The following PARD3B variants were observed in gnomAD, a reference collection of about 807,000 sequenced individuals.
PARD3B encodes partitioning defective 3 homolog B.
A neutral mutation model predicts 130.2 loss-of-function variants in PARD3B; 103 were observed. That is an observed-to-expected ratio of 0.79 (90% CI 0.67 to 0.93). The LOEUF is 0.93. PARD3B is among the 40% of genes least tolerant of loss of function. The probability of loss-of-function intolerance (pLI) is 0.00; values close to 1 mark genes in which losing one functional copy is unlikely to be tolerated. For missense variants in PARD3B, 1,609 were observed against 1,499.2 expected (o/e 1.07, Z -1.21); for synonymous variants, 583 against 553.2 (o/e 1.05, Z -0.76).
chr2:204,728,863 A>T (rs2039360801), intron 2 of PARD3B, among the ~76,000 whole-genome samples: 1 of 152,204 alleles, frequency 6.6e-6, no homozygotes, highest in South Asian at 2.1e-4. Flanking sequence ...GAACTTCTGA[A>T]GATGCTCAGA....
At chr2:205,344,735 T>C (rs2043685370) in intron 18 of PARD3B, among the ~76,000 whole-genome samples, 1 of 152,228 alleles carries the variant, frequency 6.6e-6, no homozygotes, top group Non-Finnish European at 1.5e-5. Flanking sequence ...AGAGTTTATG[T>C]ATTTATTTGA....
In PARD3B at chr2:204,759,850, A is replaced by G. The variant is rs965359582; in HGVS notation, c.222+73568A>G. 5.9e-5 allele frequency among the ~76,000 whole-genome samples: 9 copies of G among 152,076 alleles called. No individual in the cohort carries two copies. The East Asian group carries it at 1.7e-3, about 29-fold the overall frequency. On this transcript the variant is annotated intron_variant, in intron 2 of 22. Transcript: ENST00000406610. ...CAAATTTTATTTTTTGCTTTAGTTT[A>G]GGCCTTTACTATCTCTTGTCTGGTC...
intron 20 of PARD3B, among the ~76,000 whole-genome samples, chr2:205,491,790 A>G (rs571612901): frequency 7.2e-5 from 11 of 152,310 alleles, no homozygotes; most frequent in Non-Finnish European, 1.5e-4. Flanking sequence ...CAGGACACAT[A>G]TTGAGAAAGA....
At chr2:204,684,659 G>A (rs1261504498) in intron 1 of PARD3B, among the ~76,000 whole-genome samples, 2 of 152,078 alleles carry the variant, frequency 1.3e-5, no homozygotes, top group African/African-American at 4.8e-5. Context: ...CTTCGGGTTG[G>A]CAAAGACCTC....
intron 1 of PARD3B, among the ~76,000 whole-genome samples, chr2:204,670,014 G>T (rs77395358): frequency 0.028 from 4,306 of 152,234 alleles, 174 homozygotes; most frequent in East Asian, 0.14. Context: ...TGATTCTGAA[G>T]TTGAACGGTT....
At chr2:205,185,671 T>C (rs2036056099) in intron 13 of PARD3B, 93 bp from the exon 14 acceptor site, 1 of 1,024,436 alleles carries the variant, frequency 9.8e-7, no homozygotes, top group African/African-American at 1.6e-5. Flanking sequence ...ATGTGTTGGC[T>C]AAAACTGCGT....
intron 2 of PARD3B, among the ~76,000 whole-genome samples, chr2:204,700,356 T>C (rs957487586): frequency 6.6e-6 from 1 of 152,142 alleles, no homozygotes; most frequent in Non-Finnish European, 1.5e-5. Flanking sequence ...TATAACTTTA[T>C]TGGAAAATTT....
At chr2:205,166,316 A>G (rs1434165) in intron 11 of PARD3B, among the ~76,000 whole-genome samples, 64,382 of 151,992 alleles carry the variant, frequency 0.42, 14,554 homozygotes, top group African/African-American at 0.57. Flanking sequence ...AGGCAATTGC[A>G]AGGCTTGCTT....
Position 205,575,184 on chromosome 2 carries a change from T to C in PARD3B, c.3260+21781T>C, listed in dbSNP as rs2053711673. ...ATATTATACACACACATATATATCA[T>C]ATATATACAATATAGATAGATACAC... On this transcript the variant is annotated intron_variant, in intron 22 of 22. Coordinates refer to ENST00000406610, the MANE Select transcript of PARD3B (RefSeq NM_001302769.2). The surrounding 1 kb of genome is among the most constrained non-coding windows in gnomAD (Gnocchi z 4.6). 6.6e-6 allele frequency among the ~76,000 whole-genome samples: 1 copy of C among 151,958 alleles called. No homozygotes were observed. Among genetic ancestry groups the C allele is most frequent in the Admixed American group, 6.6e-5 (1 of 15,208 alleles).
At chr2:204,757,318 G>C (rs929474110) in intron 2 of PARD3B, among the ~76,000 whole-genome samples, 4 of 152,128 alleles carry the variant, frequency 2.6e-5, no homozygotes, top group Non-Finnish European at 5.9e-5. Flanking sequence ...TCTATTTTTA[G>C]TTCCTTGAGG....
At chr2:205,348,164 G>A (rs934276781) in intron 18 of PARD3B, 2 of 152,218 alleles carry the variant, frequency 1.3e-5, no homozygotes, top group Non-Finnish European at 2.9e-5. Flanking sequence ...GGATCCTAAA[G>A]GCAGTAAGTA....
intron 1 of PARD3B, among the ~76,000 whole-genome samples, chr2:204,612,022 A>T (rs944456445): frequency 4.6e-5 from 7 of 152,226 alleles, no homozygotes; most frequent in African/African-American, 1.7e-4. Context: ...TGCATTTTAG[A>T]CAGTGAGAAT....
At chr2:205,178,625 T>C (rs181497348) in intron 13 of PARD3B, among the ~76,000 whole-genome samples, 1 of 152,312 alleles carries the variant, frequency 6.6e-6, no homozygotes, top group Admixed American at 6.5e-5. Context: ...ATATCTAGAT[T>C]TCATGTAACT....
chr2:205,475,426 C>T (rs566986936), intron 20 of PARD3B, among the ~76,000 whole-genome samples: 73 of 152,282 alleles, frequency 4.8e-4, no homozygotes, highest in African/African-American at 1.7e-3. Flanking sequence ...AGACAGCTAA[C>T]TCGGTCTCTT....
In PARD3B at chr2:204,883,540, C is replaced by T. The variant is rs535863172; in HGVS notation, c.223-81612C>T. 1.7e-4 allele frequency among the ~76,000 whole-genome samples: 25 copies of T among 146,446 alleles called. No individual in the cohort carries two copies. The East Asian group carries it at 3.2e-3, about 19-fold the overall frequency. ...CTCGCTCGCTGCAACCTCTGCCTCC[C>T]GGGTTCAAGCAATTCTCCTGCCTCA... On this transcript the variant is annotated intron_variant, in intron 2 of 22. Coordinates refer to ENST00000406610, the MANE Select transcript of PARD3B (RefSeq NM_001302769.2).
intron 2 of PARD3B, among the ~76,000 whole-genome samples, chr2:204,899,273 C>T (rs1379201263): frequency 1.7e-5 from 2 of 116,876 alleles, no homozygotes; most frequent in East Asian, 5.6e-4. Context: ...TTCCTTCCTT[C>T]CTTCCTGTCT....
chr2:204,814,938 C>T (rs1024117617), intron 2 of PARD3B, among the ~76,000 whole-genome samples: 2 of 151,742 alleles, frequency 1.3e-5, no homozygotes, highest in Non-Finnish European at 3.0e-5. Context: ...TCCACTTAGT[C>T]ACATTATATT....
Position 205,525,039 on chromosome 2 carries a change from T to TCTTAGTGATGAACCATGGCAAGAACC in PARD3B, c.3180+25009_3180+25034dup, listed in dbSNP as rs2051274318. Among the ~76,000 whole-genome samples, 1 of 152,230 alleles carries TCTTAGTGATGAACCATGGCAAGAACC rather than the reference T, an allele frequency of 6.6e-6. No individual in the cohort carries two copies. Among genetic ancestry groups the TCTTAGTGATGAACCATGGCAAGAACC allele is most frequent in the African/African-American group, 2.4e-5 (1 of 41,460 alleles). On this transcript the variant is annotated intron_variant, in intron 21 of 22. Transcript: ENST00000406610. This position sits in a 1 kb window ranked among gnomAD's most constrained non-coding sequence, Gnocchi z 4.2. Reference sequence around the variant, plus strand: ...TTAAACCTCGCCAGAATAAGAGATTTCTTAGTGATGAACCATGGCAAGAAC... The same window carrying TCTTAGTGATGAACCATGGCAAGAACC: ...TTAAACCTCGCCAGAATAAGAGATTTCTTAGTGATGAACCATGGCAAGAACCCTTAGTGATGAACCATGGCAAGAAC...
intron 2 of PARD3B, among the ~76,000 whole-genome samples, chr2:204,742,107 C>G (rs909229833): frequency 6.6e-6 from 1 of 152,124 alleles, no homozygotes; most frequent in African/African-American, 2.4e-5. Context: ...AGTTTTAGAA[C>G]CACTGTCTAA....
Sources: gnomAD v4.1 joint callset for allele counts (sites outside exome capture counted in the v4.1 genomes callset) on GRCh38, gnomAD v4.1.1 for gene constraint, Gnocchi (gnomAD v3.1) non-coding constraint, MANE v1.5 for transcripts, NCBI Gene and HGNC (gene_info 2026-07-23, HGNC 2026-07-21) for gene names.